Variants in PRKG1 observed in about 807,000 individuals in gnomAD.
The protein encoded by PRKG1 is protein kinase cGMP-dependent 1.
A neutral mutation model predicts 88.1 loss-of-function variants in PRKG1; 35 were observed. The ratio of observed to expected loss-of-function variants is 0.40; its 90% CI spans 0.30 to 0.53. PRKG1 has a LOEUF of 0.53. PRKG1 is among the 20% of genes least tolerant of loss of function. PRKG1 has a pLI of 0.59. For synonymous variants in PRKG1, 303 were observed against 292.5 expected, an observed-to-expected ratio of 1.04 and a Z score of -0.37; for missense variants, 540 against 839.8, an observed-to-expected ratio of 0.64 and a Z score of 4.41.
intron 3 of PRKG1, among the ~76,000 whole-genome samples, chr10:51,596,274 C>T (rs955806739): frequency 1.3e-5 from 2 of 152,114 alleles, no homozygotes; most frequent in East Asian, 3.8e-4. Context: ...ATAATTGTTG[C>T]GTGAATGGTT....
chr10:51,175,534 C>T (rs1015241514), intron 2 of PRKG1, among the ~76,000 whole-genome samples: 1 of 152,000 alleles, frequency 6.6e-6, no homozygotes, highest in Non-Finnish European at 1.5e-5. Context: ...ATTATTTCCA[C>T]CCGGAAGATA....
chr10:51,209,414 A>G (rs1464005711), intron 2 of PRKG1, among the ~76,000 whole-genome samples: 1 of 152,172 alleles, frequency 6.6e-6, no homozygotes, highest in Non-Finnish European at 1.5e-5. Context: ...ACTTAAACTG[A>G]AGCATTAGTT....
intron 7 of PRKG1, among the ~76,000 whole-genome samples, chr10:52,080,846 A>G (rs1846754996): frequency 6.6e-6 from 1 of 152,322 alleles, no homozygotes; most frequent in East Asian, 1.9e-4. Flanking sequence ...GTATGCCACC[A>G]AGATCACTTT....
At chr10:51,546,353 A>G (rs1472639850) in intron 3 of PRKG1, among the ~76,000 whole-genome samples, 2 of 152,178 alleles carry the variant, frequency 1.3e-5, no homozygotes, top group African/African-American at 4.8e-5. Context: ...AGCTGTTGCA[A>G]TTGTCTTTTT....
At chr10:51,282,040 A>G (rs1439850372) in intron 2 of PRKG1, among the ~76,000 whole-genome samples, 1 of 152,218 alleles carries the variant, frequency 6.6e-6, no homozygotes, top group Non-Finnish European at 1.5e-5. Flanking sequence ...TCTAAATGTT[A>G]GTAAGCAGAG....
intron 3 of PRKG1, among the ~76,000 whole-genome samples, chr10:51,595,848 T>A (rs1467515489): frequency 6.6e-6 from 1 of 152,008 alleles, no homozygotes; most frequent in Non-Finnish European, 1.5e-5. Context: ...TTTGTTTTGT[T>A]TTTTGGAATG....
At chr10:52,146,338 C>T (rs532940226) in intron 8 of PRKG1, among the ~76,000 whole-genome samples, 1 of 152,198 alleles carries the variant, frequency 6.6e-6, no homozygotes, top group South Asian at 2.1e-4. Context: ...GATAATTCTG[C>T]CTAGATATTT....
intron 1 of PRKG1, among the ~76,000 whole-genome samples, chr10:51,000,349 G>T (rs1842875905): frequency 1.3e-5 from 2 of 152,180 alleles, no homozygotes; most frequent in African/African-American, 2.4e-5. Flanking sequence ...TCCACAGACA[G>T]TCTTGTCTTT....
intron 4 of PRKG1, among the ~76,000 whole-genome samples, chr10:51,852,400 C>T (rs1446192309): frequency 1.3e-5 from 2 of 149,632 alleles, no homozygotes; most frequent in African/African-American, 4.9e-5. Context: ...AGAGAGGAAA[C>T]AGAGGTAGAG....
At chr10:51,924,244 T>C (rs1344786543) in intron 5 of PRKG1, among the ~76,000 whole-genome samples, 1 of 152,192 alleles carries the variant, frequency 6.6e-6, no homozygotes, top group Non-Finnish European at 1.5e-5. Context: ...ACAAATTCCC[T>C]CAATATTTAT....
At chr10:51,387,974 G>C (rs552145351) in intron 2 of PRKG1, among the ~76,000 whole-genome samples, 1 of 152,068 alleles carries the variant, frequency 6.6e-6, no homozygotes, top group South Asian at 2.1e-4. Context: ...AAGAATGTCA[G>C]CTTTGAAGTT....
At chr10:51,482,700 A>G (rs1274143888) in intron 3 of PRKG1, among the ~76,000 whole-genome samples, 6 of 152,192 alleles carry the variant, frequency 3.9e-5, no homozygotes, top group Admixed American at 1.3e-4. Flanking sequence ...GCAAGGGAGT[A>G]TGGTGGCAGA....
At chr10:51,791,661 G>A (rs1776530151) in intron 3 of PRKG1, among the ~76,000 whole-genome samples, 1 of 151,996 alleles carries the variant, frequency 6.6e-6, no homozygotes, top group South Asian at 2.1e-4. Context: ...TATAACTCAG[G>A]TATATGAATA....
At chr10:52,095,429 A>G (rs895392503) in intron 7 of PRKG1, among the ~76,000 whole-genome samples, 3 of 151,988 alleles carry the variant, frequency 2.0e-5, no homozygotes, top group African/African-American at 7.3e-5. Context: ...TATATTATGT[A>G]ATATGTTTAT....
At chr10:51,271,183 A>G (rs922314278) in intron 2 of PRKG1, among the ~76,000 whole-genome samples, 2 of 152,160 alleles carry the variant, frequency 1.3e-5, no homozygotes, top group African/African-American at 4.8e-5. Context: ...AAGAGAAGCT[A>G]TATATGACTA....
intron 1 of PRKG1, among the ~76,000 whole-genome samples, chr10:51,057,514 A>G (rs1769224767): frequency 6.6e-6 from 1 of 152,214 alleles, no homozygotes; most frequent in African/African-American, 2.4e-5. Flanking sequence ...ATTAAGAAAC[A>G]GAACTTTCCC....
At chr10:52,148,363 G>A (rs937060843) in intron 8 of PRKG1, among the ~76,000 whole-genome samples, 2 of 152,128 alleles carry the variant, frequency 1.3e-5, no homozygotes, top group Non-Finnish European at 2.9e-5. Context: ...CTCTGAGTTT[G>A]AGAAACCGTG....
intron 3 of PRKG1, among the ~76,000 whole-genome samples, chr10:51,566,160 A>G (rs949928255): frequency 6.6e-6 from 1 of 152,114 alleles, no homozygotes; most frequent in African/African-American, 2.4e-5. Flanking sequence ...GGGAGAAATT[A>G]TGGCACACTG....
intron 3 of PRKG1, among the ~76,000 whole-genome samples, chr10:51,520,460 C>T (rs61849821): frequency 0.049 from 7,509 of 151,888 alleles, 303 homozygotes; most frequent in Middle Eastern, 0.12. Context: ...ACAATCACTA[C>T]GCCAGTCTGT....
Sources: allele counts gnomAD v4.1 joint callset (sites outside exome capture counted in the v4.1 genomes callset), GRCh38; gene constraint gnomAD v4.1.1; transcripts MANE v1.5; gene names NCBI Gene and HGNC (gene_info 2026-07-23, HGNC 2026-07-21).